TLK1: variants seen among roughly 807,000 people sequenced by gnomAD.
The protein encoded by TLK1 is serine/threonine-protein kinase tousled-like 1.
A neutral mutation model predicts 105.3 loss-of-function variants in TLK1; 24 were observed. The observed-to-expected ratio is 0.23, with a 90% CI of 0.17 to 0.32. The LOEUF (loss-of-function observed/expected upper bound fraction) is 0.32, where lower values mean the gene tolerates loss of function less well. Among genes scored for constraint, TLK1 ranks in the 10% least tolerant of loss-of-function variants. TLK1 has a pLI of 1.00. For synonymous variants in TLK1, 321 were observed against 310.4 expected, an observed-to-expected ratio of 1.03 and a Z score of -0.36; for missense variants, 558 against 910.5, an observed-to-expected ratio of 0.61 and a Z score of 4.98.
intron 1 of TLK1, among the ~76,000 whole-genome samples, chr2:171,172,026 T>A (rs570390855): frequency 3.0e-4 from 45 of 152,334 alleles, no homozygotes; most frequent in Middle Eastern, 3.4e-3. Flanking sequence ...ACTATCTAAG[T>A]ACTCATTAGA....
At chr2:171,066,901 G>A in intron 3 of TLK1, 1 of 1,551,634 alleles carries the variant, frequency 6.4e-7, no homozygotes, top group Non-Finnish European at 8.7e-7. Context: ...AACTGCTGAA[G>A]GGTGGGGGTT....
At chr2:171,066,969 G>T (rs1363076484) in intron 3 of TLK1, 5 of 1,537,268 alleles carry the variant, frequency 3.3e-6, no homozygotes, top group East Asian at 2.5e-5. Flanking sequence ...GAAAGTGCTT[G>T]TAATAGTCAA....
chr2:171,146,314 ACT>A (rs34703601), intron 1 of TLK1, among the ~76,000 whole-genome samples: 39,794 of 151,762 alleles, frequency 0.26, 5,434 homozygotes, highest in Middle Eastern at 0.35. Flanking sequence ...ACAGAGTGAG[ACT>A]CTGTAAGAAT....
At chr2:171,173,287 GCA>G (rs931028026) in intron 1 of TLK1, among the ~76,000 whole-genome samples, 1 of 152,188 alleles carries the variant, frequency 6.6e-6, no homozygotes, top group African/African-American at 2.4e-5. Context: ...TGATATATAT[GCA>G]ACTTTCTTGC....
intron 1 of TLK1, among the ~76,000 whole-genome samples, chr2:171,196,635 T>C (rs1693281069): frequency 6.6e-6 from 1 of 152,200 alleles, no homozygotes; most frequent in Non-Finnish European, 1.5e-5. Flanking sequence ...GAGAAGTCAG[T>C]GCAGAAGAAT....
intron 1 of TLK1, among the ~76,000 whole-genome samples, chr2:171,215,774 A>G (rs1190313029): frequency 1.3e-5 from 2 of 152,220 alleles, no homozygotes; most frequent in Admixed American, 1.3e-4. Context: ...GGCAGTGAGC[A>G]GCTGCCCACT....
At chr2:171,126,968 C>T (rs1005673377) in intron 1 of TLK1, among the ~76,000 whole-genome samples, 6 of 151,476 alleles carry the variant, frequency 4.0e-5, no homozygotes, top group African/African-American at 7.3e-5. Context: ...TCAAAAGTAT[C>T]GAAAGCAAAA....
intron 1 of TLK1, among the ~76,000 whole-genome samples, chr2:171,191,376 C>T (rs1693146194): frequency 6.6e-6 from 1 of 151,438 alleles, no homozygotes; most frequent in Non-Finnish European, 1.5e-5. Context: ...CAAGACCAAC[C>T]TGGGCAACAT....
At chr2:171,189,603 T>C (rs1693103316) in intron 1 of TLK1, among the ~76,000 whole-genome samples, 1 of 152,216 alleles carries the variant, frequency 6.6e-6, no homozygotes, top group African/African-American at 2.4e-5. Context: ...CTGTTACCTA[T>C]ATCATTAATT....
chr2:171,175,787 A>G (rs962125560), intron 1 of TLK1, among the ~76,000 whole-genome samples: 10 of 152,108 alleles, frequency 6.6e-5, no homozygotes, highest in Admixed American at 2.6e-4. Context: ...GATGGCCACA[A>G]CTACCTCCCA....
In TLK1 at chr2:171,150,232, C is replaced by T. The variant is rs1039131511; in HGVS notation, c.139+10058G>A. Among the ~76,000 whole-genome samples the T allele has an allele frequency of 2.6e-5, 4 of 152,082 alleles. No individual in the cohort carries two copies. In the East Asian group the frequency reaches 7.7e-4, roughly 29 times the overall value. On this transcript the variant is annotated intron_variant, in intron 1 of 20. Transcript: ENST00000431350. The stretch of plus-strand genomic sequence containing the variant: ...AAAAAAATAATCTGGCAACATTTAC[C>T]GAAAGCCCTAAAATTGTTTTATACT...
At chr2:171,066,521 A>G (rs1201471257) in intron 3 of TLK1, among the ~76,000 whole-genome samples, 4 of 152,136 alleles carry the variant, frequency 2.6e-5, no homozygotes, top group Admixed American at 6.5e-5. Flanking sequence ...AGCATTCACA[A>G]CCGTATCAGT....
intron 1 of TLK1, among the ~76,000 whole-genome samples, chr2:171,150,462 C>T (rs1234083499): frequency 1.3e-5 from 2 of 152,200 alleles, no homozygotes; most frequent in African/African-American, 4.8e-5. Context: ...CTCAAGGGGA[C>T]TGTCAATCCT....
At chr2:171,205,657 A>G (rs770909715) in intron 1 of TLK1, among the ~76,000 whole-genome samples, 6 of 152,138 alleles carry the variant, frequency 3.9e-5, no homozygotes, top group Non-Finnish European at 8.8e-5. Flanking sequence ...AACACCTCTG[A>G]AATTCAGGTG....
At chr2:171,188,873 T>TA (rs35406910) in intron 1 of TLK1, among the ~76,000 whole-genome samples, 289 of 125,520 alleles carry the variant, frequency 2.3e-3, no homozygotes, top group Middle Eastern at 8.7e-3. Flanking sequence ...AGATTCTGTC[T>TA]AAAAAAAAAA....
At chr2:171,071,674 C>T (rs1688263796) in intron 3 of TLK1, among the ~76,000 whole-genome samples, 1 of 152,090 alleles carries the variant, frequency 6.6e-6, no homozygotes, top group Non-Finnish European at 1.5e-5. Flanking sequence ...TGGAGAGTTT[C>T]CCCAGTGTTT....
At chr2:171,101,041 T>C (rs188866659) in intron 2 of TLK1, among the ~76,000 whole-genome samples, 3 of 152,298 alleles carry the variant, frequency 2.0e-5, no homozygotes, top group Admixed American at 2.0e-4. Context: ...GAAAACATTA[T>C]GCTAGGTTTT....
chr2:171,014,799 G>C, intron 13 of TLK1, 52 bp downstream of exon 13: 7 of 1,269,954 alleles, frequency 5.5e-6, no homozygotes, highest in Non-Finnish European at 8.0e-6. Flanking sequence ...CTCTATGGGG[G>C]GCGGGGGTAG....
At chr2:171,157,148 T>A (rs1303544010) in intron 1 of TLK1, among the ~76,000 whole-genome samples, 2 of 152,136 alleles carry the variant, frequency 1.3e-5, no homozygotes, top group African/African-American at 4.8e-5. Context: ...TACAAAAAAG[T>A]AAAGCAAATT....
Sources: gnomAD v4.1 joint callset for allele counts (sites outside exome capture counted in the v4.1 genomes callset) on GRCh38, gnomAD v4.1.1 for gene constraint, MANE v1.5 for transcripts, NCBI Gene and HGNC (gene_info 2026-07-23, HGNC 2026-07-21) for gene names.